Variants in VTI1A observed in about 807,000 individuals in gnomAD.
The protein encoded by VTI1A is vesicle transport through interaction with t-SNAREs 1A.
A neutral mutation model predicts 34.9 loss-of-function variants in VTI1A; 22 were observed. The ratio of observed to expected loss-of-function variants is 0.63; its 90% confidence interval spans 0.45 to 0.90. VTI1A has a LOEUF of 0.90. VTI1A is among the 40% of genes least tolerant of loss of function. VTI1A has a pLI of 0.00. For synonymous variants in VTI1A, 87 were observed against 97.3 expected, an observed-to-expected ratio of 0.89 and a Z score of 0.62; for missense variants, 268 against 275.6, an observed-to-expected ratio of 0.97 and a Z score of 0.20.
chr10:112,541,389 A>G (rs1850863656), intron 5 of VTI1A, among the ~76,000 whole-genome samples: 1 of 152,164 alleles, frequency 6.6e-6, no homozygotes, highest in Admixed American at 6.5e-5. Flanking sequence ...TAAGGTTTTT[A>G]TGAAGTAAAA....
chr10:112,474,815 G>A (rs1358086747), intron 3 of VTI1A, among the ~76,000 whole-genome samples: 2 of 152,168 alleles, frequency 1.3e-5, no homozygotes, highest in Non-Finnish European at 2.9e-5. Context: ...AGGTGAAATT[G>A]TTAGAAAATC....
At chr10:112,837,616 T>C in the VTI1A span, among the ~76,000 whole-genome samples, 1 of 152,198 alleles carries the variant, frequency 6.6e-6, no homozygotes, top group Non-Finnish European at 1.5e-5. Context: ...TGGGCCTCAA[T>C]TTGCTGATCT....
chr10:112,538,186 C>G, intron 4 of VTI1A, 60 bp from the exon 5 acceptor site: 1 of 1,469,028 alleles, frequency 6.8e-7, no homozygotes, highest in Non-Finnish European at 9.4e-7. Flanking sequence ...TTTTTTAAGG[C>G]AAAAAAAAGA....
At chr10:112,630,385 C>T (rs1390341518) in intron 5 of VTI1A, among the ~76,000 whole-genome samples, 4 of 152,130 alleles carry the variant, frequency 2.6e-5, no homozygotes, top group African/African-American at 4.8e-5. Flanking sequence ...TAGGTATGCT[C>T]TCCAGGAAAA....
chr10:112,784,324 C>T (rs1485588675), intron 7 of VTI1A, among the ~76,000 whole-genome samples: 1 of 152,164 alleles, frequency 6.6e-6, no homozygotes, highest in Admixed American at 6.5e-5. Context: ...CTATTATGCA[C>T]TAATATAGCT....
chr10:112,583,271 A>G (rs1395899991), intron 5 of VTI1A, among the ~76,000 whole-genome samples: 1 of 152,200 alleles, frequency 6.6e-6, no homozygotes, highest in Non-Finnish European at 1.5e-5. Context: ...AAGCCCGGAT[A>G]ACAACTTCGG....
At chr10:112,582,859 C>A (rs1844002025) in intron 5 of VTI1A, among the ~76,000 whole-genome samples, 4 of 152,060 alleles carry the variant, frequency 2.6e-5, no homozygotes. Context: ...TGTGCACCAG[C>A]TTTGAAGAAC....
At position 112,506,708 on chromosome 10, in the gene VTI1A, C is replaced by T. The variant is rs150578958; in HGVS notation, c.265-20379C>T. 5.3e-5 allele frequency among the ~76,000 whole-genome samples: 8 copies of T among 152,142 alleles called. No homozygotes were observed. In the East Asian group the frequency reaches 1.4e-3, roughly 26 times the overall value. ...TTTACTCTTATTGGAGTTCTTTTTTCCTTCTTGCAAATCTCATTTCCATTG... is the reference window on the plus strand; with the variant it reads ...TTTACTCTTATTGGAGTTCTTTTTTTCTTCTTGCAAATCTCATTTCCATTG... On this transcript the variant is annotated intron_variant, in intron 3 of 7. Transcript: ENST00000393077.
intron 5 of VTI1A, among the ~76,000 whole-genome samples, chr10:112,577,800 C>T (rs191760117): frequency 5.9e-5 from 9 of 152,216 alleles, no homozygotes; most frequent in Admixed American, 2.0e-4. Flanking sequence ...ATCATATGTA[C>T]GTGGTTAAAT....
intron 3 of VTI1A, 83 bp downstream of exon 3, chr10:112,464,740 AG>A: frequency 8.0e-7 from 1 of 1,242,704 alleles, no homozygotes; most frequent in Middle Eastern, 1.9e-4. Flanking sequence ...TTAAATGCAC[AG>A]TCTTTTGGGC....
intron 7 of VTI1A, among the ~76,000 whole-genome samples, chr10:112,791,522 A>G (rs1052068708): frequency 2.6e-5 from 4 of 152,214 alleles, no homozygotes; most frequent in Admixed American, 6.5e-5. Flanking sequence ...GAAAAATCCC[A>G]GAAAGTGTTG....
rs1846901712 is a variant in VTI1A, at chr10:112,447,451, C to G, written c.78C>G (p.Val26=). The G allele has an allele frequency of 6.2e-7, 1 of 1,613,500 alleles. No individual in the cohort carries two copies. The highest frequency in any genetic ancestry group is 8.5e-7 in the Non-Finnish European group (1 of 1,179,946). Residue 26 remains valine (V), a synonymous_variant, in exon 1 of 8, where the codon GTC becomes GTG. Transcript: ENST00000393077. ...TAEITSKIAR[V]PRLPPDEKKQ... is the part of the protein sequence containing the mutation. The stretch of plus-strand genomic sequence containing the variant: ...AGATCACCAGCAAGATTGCGAGGGT[C>G]CCACGACTCCCGCCTGGTGAGAGCC...
intron 7 of VTI1A, among the ~76,000 whole-genome samples, chr10:112,779,781 C>T (rs1564922280): frequency 6.6e-6 from 1 of 151,964 alleles, no homozygotes; most frequent in Admixed American, 6.6e-5. Context: ...TGAAGGATTA[C>T]TCCCATAAAC....
chr10:112,705,492 C>T (rs914783867), intron 7 of VTI1A, among the ~76,000 whole-genome samples: 2 of 152,076 alleles, frequency 1.3e-5, no homozygotes, highest in Non-Finnish European at 1.5e-5. Flanking sequence ...ACCAAAGGCA[C>T]GCCCCTCTTC....
chr10:112,658,342 C>T (rs1847313624), intron 5 of VTI1A, among the ~76,000 whole-genome samples: 1 of 152,146 alleles, frequency 6.6e-6, no homozygotes, highest in Admixed American at 6.5e-5. Flanking sequence ...CCAGCTGAGC[C>T]TCCCAAAGCA....
chr10:112,736,701 G>A, intron 7 of VTI1A: 1 of 1,551,682 alleles, frequency 6.4e-7, no homozygotes, highest in East Asian at 2.4e-5. Flanking sequence ...GCTACATAAG[G>A]ATTTCTCTTC....
intron 7 of VTI1A, among the ~76,000 whole-genome samples, chr10:112,673,202 C>G (rs1847910077): frequency 1.3e-5 from 2 of 151,710 alleles, no homozygotes; most frequent in Middle Eastern, 3.4e-3. Context: ...ATAATCCCAG[C>G]TACTTGGGAA....
intron 7 of VTI1A, chr10:112,752,341 T>G (rs2133993878): frequency 1.0e-6 from 1 of 984,608 alleles, no homozygotes; most frequent in East Asian, 1.1e-4. Context: ...GATCCCCCTC[T>G]GTCTTTTCCA....
At chr10:112,490,910 G>A (rs1329039377) in intron 3 of VTI1A, among the ~76,000 whole-genome samples, 4 of 152,154 alleles carry the variant, frequency 2.6e-5, no homozygotes, top group Middle Eastern at 3.4e-3. Flanking sequence ...CTTAAAATAG[G>A]AACACAAAGT....
Sources: allele counts gnomAD v4.1 joint callset (sites outside exome capture counted in the v4.1 genomes callset), GRCh38; gene constraint gnomAD v4.1.1; transcripts MANE v1.5; gene names NCBI Gene and HGNC (gene_info 2026-07-23, HGNC 2026-07-21).